RPN1: variants seen among roughly 807,000 people sequenced by gnomAD.
RPN1 encodes dolichyl-diphosphooligosaccharide--protein glycosyltransferase subunit 1.
A neutral mutation model predicts 55.5 loss-of-function variants in RPN1; 12 were observed. That is an observed-to-expected ratio of 0.22 (90% CI 0.14 to 0.35). RPN1 has a LOEUF of 0.35. Among genes scored for constraint, RPN1 ranks in the 10% least tolerant of loss-of-function variants. The probability of loss-of-function intolerance (pLI) is 1.00; values close to 1 mark genes in which losing one functional copy is unlikely to be tolerated. For missense variants in RPN1, 679 were observed against 761.3 expected, an observed-to-expected ratio of 0.89 and a Z score of 1.27; for synonymous variants, 317 against 305.9, an observed-to-expected ratio of 1.04 and a Z score of -0.38.
intron 1 of RPN1, among the ~76,000 whole-genome samples, chr3:128,646,972 CAAA>C (rs111594217): frequency 1.6e-5 from 2 of 123,640 alleles, no homozygotes. Flanking sequence ...GACTTCCTCT[CAAA>C]AAAAAAAAAA....
chr3:128,622,559 A>C, intron 8 of RPN1, 150 bp from the exon 9 acceptor site: 3 of 966,454 alleles, frequency 3.1e-6, no homozygotes, highest in Non-Finnish European at 1.5e-6. Flanking sequence ...CTGATACCTA[A>C]TCTGGACCAG....
chr3:128,629,967 C>T lies in RPN1; in HGVS notation c.1020G>A (p.Glu340=), dbSNP rs771377702. 1 of 1,605,924 alleles carries T rather than the reference C, an allele frequency of 6.2e-7. No homozygotes were observed. ...YIVGYNLPSY[E]YLYNLGDQYA... is the part of the protein sequence containing the mutation. ...AAGACTGACCCAAATTATAGAGGTA[C>T]TCATAGCTTGGGAGGTTGTAGCCAA... The change falls in exon 5 of 10, where the codon GAG becomes GAA. Residue 340 remains glutamate (E), a synonymous_variant. Transcript: ENST00000296255.
intron 2 of RPN1, among the ~76,000 whole-genome samples, chr3:128,642,818 A>C (rs567255940): frequency 6.6e-6 from 1 of 150,980 alleles, no homozygotes; most frequent in African/African-American, 2.4e-5. Context: ...GGAGTTCGAG[A>C]CCAGCCTGGC....
At chr3:128,626,637 C>A (rs2069601799) in intron 6 of RPN1, 96 bp downstream of exon 6, 1 of 1,068,214 alleles carries the variant, frequency 9.4e-7, no homozygotes. Flanking sequence ...AAAAGTGACA[C>A]AAAGACTGTG....
Position 128,620,599 on chromosome 3 carries a change from C to T in RPN1, c.1642-6G>A, listed in dbSNP as rs570693930. The T allele has an allele frequency of 2.5e-6, 4 of 1,612,260 alleles. No homozygotes were observed. The highest frequency in any genetic ancestry group is 1.1e-5 in the South Asian group (1 of 90,822). ...AGCTTCTGCATTTCGCTCACCTGGC[C>T]GAGGCAAGAGCAGGGCAGGACTTGT... On this transcript the variant is annotated splice_region_variant and splice_polypyrimidine_tract_variant and intron_variant, in intron 9 of 9. Coordinates refer to ENST00000296255, the MANE Select transcript of RPN1 (RefSeq NM_002950.4).
At chr3:128,642,137 A>AG (rs2069730110) in intron 2 of RPN1, among the ~76,000 whole-genome samples, 1 of 152,204 alleles carries the variant, frequency 6.6e-6, no homozygotes, top group Admixed American at 6.5e-5. Flanking sequence ...AGCCTCAGAG[A>AG]GGGAGAGGAG....
chr3:128,625,640 A>G lies in RPN1; in HGVS notation c.1289T>C (p.Phe430Ser), dbSNP rs2069592925. The G allele has an allele frequency of 6.2e-7, 1 of 1,614,134 alleles. No homozygotes were observed. The highest frequency in any genetic ancestry group is 2.2e-5 in the East Asian group (1 of 44,876). ...CTCCTGCAGCATGAGCACCTTGTTG[A>G]ACGTGTAGTGGACCTGGGAGAAGCA... ...HIQDIVVHYT[F>S]NKVLMLQEPL... The change falls in exon 8 of 10, where the codon TTC becomes TCC. Residue 430 changes from phenylalanine (F) to serine (S), a missense_variant. Transcript: ENST00000296255.
At chr3:128,625,178 G>A (rs1325832959) in intron 8 of RPN1, among the ~76,000 whole-genome samples, 1 of 152,140 alleles carries the variant, frequency 6.6e-6, no homozygotes, top group Non-Finnish European at 1.5e-5. Flanking sequence ...GAATCACCAA[G>A]GGGGAGGTGG....
At chr3:128,622,458 A>G (rs980009904) in intron 8 of RPN1, 49 bp from the exon 9 acceptor site, 1 of 1,605,122 alleles carries the variant, frequency 6.2e-7, no homozygotes, top group Admixed American at 1.7e-5. Context: ...GCTTGGGTCC[A>G]CTCTGACCTT....
intron 1 of RPN1, among the ~76,000 whole-genome samples, chr3:128,648,393 CA>C (rs571107933): frequency 7.5e-4 from 109 of 146,150 alleles, no homozygotes; most frequent in Non-Finnish European, 1.3e-3. Flanking sequence ...GACTCTGCAT[CA>C]AAAAAAAAAT....
chr3:128,627,522 G>C (rs1314558329), intron 5 of RPN1, among the ~76,000 whole-genome samples: 1 of 152,200 alleles, frequency 6.6e-6, no homozygotes, highest in South Asian at 2.1e-4. Flanking sequence ...TGTAATCCCA[G>C]TACTTTGGGA....
rs778452718 is a variant in RPN1 at position 128,650,755 on chromosome 3, T to A, written c.46A>T (p.Thr16Ser). 4.7e-5 allele frequency: 73 copies of A among 1,549,422 alleles called. No individual in the cohort carries two copies. Among genetic ancestry groups the A allele is most frequent in the South Asian group, 2.4e-4 (20 of 83,966 alleles). The stretch of plus-strand genomic sequence containing the variant: ...GCGCTGCCCGGCGCCGGGGCCCAAG[T>A]CCCAAGCAACAGGAGCAGAAACAAG... Reference protein sequence around the residue: ...AGLFLLLLLGTWAPAPGSASS... With the variant: ...AGLFLLLLLGSWAPAPGSASS... The change falls in exon 1 of 10, where the codon ACT (threonine) becomes TCT (serine). Residue 16 changes from threonine (T) to serine (S), a missense_variant. By Grantham distance (58) the Thr-to-Ser change is moderately conservative. This residue lies in a region of RPN1 where 352 missense variants were observed against 352.8 expected (regional missense o/e 1.00). Transcript: ENST00000296255.
At chr3:128,634,014 A>G (rs920998177) in intron 3 of RPN1, among the ~76,000 whole-genome samples, 6 of 151,578 alleles carry the variant, frequency 4.0e-5, no homozygotes, top group African/African-American at 1.5e-4. Flanking sequence ...AAAAACAAAA[A>G]CAACAAAACA....
In RPN1 at chr3:128,649,750, C is replaced by T. The variant is rs1030537096; in HGVS notation, c.261+790G>A. Among the ~76,000 whole-genome samples the T allele has an allele frequency of 5.3e-5, 8 of 152,140 alleles. No homozygotes were observed. The South Asian group carries it at 1.7e-3, about 31-fold the overall frequency. ...CTGGAAACATTTAAGCCAAACACAG[C>T]CATTTATTGCCGAGGTGTAAGAATG... On this transcript the variant is annotated intron_variant, in intron 1 of 9. Transcript: ENST00000296255.
chr3:128,650,551 G>C lies in RPN1; in HGVS notation c.250C>G (p.Leu84Val). ...EPELEARLAH[L>V]GVQVKGEDEE... is the part of the protein sequence containing the mutation. The stretch of plus-strand genomic sequence containing the variant: ...TCGCCCACACTCACCTGCACGCCCA[G>C]GTGCGCCAGCCGGGCCTCGAGCTCA... The change falls in exon 1 of 10, where the codon CTG becomes GTG. Residue 84 changes from leucine (L) to valine (V), a missense_variant. By Grantham distance (32) the Leu-to-Val change is conservative. Coordinates refer to ENST00000296255, the MANE Select transcript of RPN1 (RefSeq NM_002950.4). The C allele has an allele frequency of 6.5e-7, 1 of 1,542,170 alleles. No individual in the cohort carries two copies. Among genetic ancestry groups the C allele is most frequent in the East Asian group, 2.4e-5 (1 of 40,852 alleles).
At chr3:128,626,147 A>G in intron 6 of RPN1, 135 bp from the exon 7 acceptor site, 1 of 852,594 alleles carries the variant, frequency 1.2e-6, no homozygotes, top group Non-Finnish European at 1.8e-6. Context: ...CTCCCTTCTC[A>G]GCTATGGAGA....
In RPN1 at chr3:128,639,175, G is replaced by A. The variant is rs545905628; in HGVS notation, c.327-1070C>T. Among the ~76,000 whole-genome samples the A allele has an allele frequency of 8.5e-5, 13 of 152,150 alleles. No homozygotes were observed. The East Asian group carries it at 1.4e-3, about 16-fold the overall frequency. On this transcript the variant is annotated intron_variant, in intron 2 of 9. Coordinates refer to ENST00000296255, the MANE Select transcript of RPN1 (RefSeq NM_002950.4). ...TCCATTTAAAAACATACATAGACCCGGGGAGGGTGGCTTACGCCTGTAATC... is the reference window on the plus strand; with the variant it reads ...TCCATTTAAAAACATACATAGACCCAGGGAGGGTGGCTTACGCCTGTAATC...
intron 4 of RPN1, among the ~76,000 whole-genome samples, chr3:128,631,096 G>C (rs1286075171): frequency 9.1e-5 from 12 of 132,188 alleles, no homozygotes; most frequent in Non-Finnish European, 1.8e-4. Context: ...CTGGGCAATA[G>C]AGCGAGACTC....
chr3:128,638,196 A>T, intron 2 of RPN1, 91 bp from the exon 3 acceptor site: 1 of 887,624 alleles, frequency 1.1e-6, no homozygotes, highest in Non-Finnish European at 1.7e-6. Context: ...ATTTTGAACC[A>T]AAGACAAAAG....
Sources: gnomAD v4.1 joint callset for allele counts (sites outside exome capture counted in the v4.1 genomes callset) on GRCh38, gnomAD v4.1.1 for gene constraint, gnomAD v4.1.1 regional missense constraint, MANE v1.5 for transcripts, NCBI Gene and HGNC (gene_info 2026-07-23, HGNC 2026-07-21) for gene names.